The following AKAP6 variants were observed in gnomAD, a reference collection of about 807,000 sequenced individuals.
AKAP6 encodes A-kinase anchor protein 6.
Under a neutral mutation model 188.5 loss-of-function variants are expected in AKAP6, and 58 were observed. That is an observed-to-expected ratio of 0.31 (90% CI 0.25 to 0.38). The LOEUF (loss-of-function observed/expected upper bound fraction) is 0.38. AKAP6 is among the 10% of genes least tolerant of loss of function. AKAP6 has a pLI of 1.00. For missense variants in AKAP6, 2,710 were observed against 2,740.0 expected (o/e 0.99, Z 0.24); for synonymous variants, 989 against 998.6 (o/e 0.99, Z 0.18).
Position 32,437,155 on chromosome 14 carries a change from GCT to G in AKAP6, c.324+3343_324+3344del, listed in dbSNP as rs1241865886. On this transcript the variant is annotated intron_variant, in intron 2 of 13. Coordinates refer to ENST00000280979, the MANE Select transcript of AKAP6 (RefSeq NM_004274.5). The stretch of plus-strand genomic sequence containing the variant: ...CTTTTCCTGTTCCTTCTGCGGAGAA[GCT>G]CTCTTTCCCCATTGTTACATGGCAG... 3.9e-5 allele frequency among the ~76,000 whole-genome samples: 6 copies of G among 152,234 alleles called. No individual in the cohort carries two copies. The East Asian group carries it at 1.2e-3, about 29-fold the overall frequency.
At chr14:32,643,135 C>T (rs565130815) in intron 7 of AKAP6, among the ~76,000 whole-genome samples, 1 of 152,154 alleles carries the variant, frequency 6.6e-6, no homozygotes, top group South Asian at 2.1e-4. Flanking sequence ...CTCTATTAAT[C>T]ATTGTGTTGT....
chr14:32,442,800 C>G (rs1369276726), intron 2 of AKAP6, among the ~76,000 whole-genome samples: 1 of 151,928 alleles, frequency 6.6e-6, no homozygotes, highest in Non-Finnish European at 1.5e-5. Flanking sequence ...AGATGAAGTC[C>G]TGGGGTCCCT....
intron 1 of AKAP6, among the ~76,000 whole-genome samples, chr14:32,334,801 G>A (rs1886638290): frequency 6.6e-6 from 1 of 152,166 alleles, no homozygotes; most frequent in African/African-American, 2.4e-5. Flanking sequence ...TGAAGATAAA[G>A]GACAGACTTT....
intron 2 of AKAP6, among the ~76,000 whole-genome samples, chr14:32,534,698 G>A (rs1189344834): frequency 2.0e-5 from 3 of 152,070 alleles, no homozygotes; most frequent in Admixed American, 1.3e-4. Flanking sequence ...GGGTGCGGTG[G>A]CTCAGGCCTG....
chr14:32,470,787 A>G (rs545876894), intron 2 of AKAP6, among the ~76,000 whole-genome samples: 2 of 152,180 alleles, frequency 1.3e-5, no homozygotes, highest in African/African-American at 4.8e-5. Flanking sequence ...GATTTTTCTT[A>G]AGTCTAAATT....
At chr14:32,491,391 A>G (rs772454539) in intron 2 of AKAP6, among the ~76,000 whole-genome samples, 3 of 152,230 alleles carry the variant, frequency 2.0e-5, no homozygotes, top group African/African-American at 7.2e-5. Context: ...TCATTCCTCT[A>G]TCAAAACAAG....
intron 12 of AKAP6, among the ~76,000 whole-genome samples, chr14:32,805,567 A>G (rs1002970298): frequency 3.3e-5 from 5 of 152,226 alleles, no homozygotes; most frequent in Non-Finnish European, 7.3e-5. Flanking sequence ...GCATTGGTCT[A>G]GAAATAATGG....
intron 3 of AKAP6, among the ~76,000 whole-genome samples, chr14:32,540,192 A>ATATATATATATATATATATTTTTT (rs1406480125): frequency 3.2e-5 from 4 of 123,422 alleles, no homozygotes; most frequent in Admixed American, 8.2e-5. Flanking sequence ...ATATATATAT[A>ATATATATATATATATATATTTTTT]TTTTAATTTT....
intron 2 of AKAP6, among the ~76,000 whole-genome samples, chr14:32,512,277 C>T (rs961223788): frequency 6.6e-6 from 1 of 152,106 alleles, no homozygotes; most frequent in African/African-American, 2.4e-5. Flanking sequence ...AAACTCCACT[C>T]GTTGTTTGAT....
intron 9 of AKAP6, chr14:32,726,160 C>A (rs935595304): frequency 1.0e-6 from 1 of 982,398 alleles, no homozygotes; most frequent in Admixed American, 6.1e-5. Context: ...ATAGACTTTT[C>A]ATTACATTTT....
chr14:32,531,847 T>A (rs867352497), intron 2 of AKAP6, among the ~76,000 whole-genome samples: 2 of 152,242 alleles, frequency 1.3e-5, no homozygotes, highest in African/African-American at 4.8e-5. Flanking sequence ...TGCTGCATAG[T>A]GTATAGGCAT....
chr14:32,782,875 AT>A (rs553004848), intron 12 of AKAP6, among the ~76,000 whole-genome samples: 2,998 of 149,148 alleles, frequency 0.02, 102 homozygotes, highest in African/African-American at 0.068. Context: ...AATCTCTGTG[AT>A]TTTTTTTTTT....
At position 32,829,147 on chromosome 14, in the gene AKAP6, A is replaced by G. The variant is rs542867559; in HGVS notation, c.*43-701A>G. Among the ~76,000 whole-genome samples, 3 of 152,326 alleles carry G rather than the reference A, an allele frequency of 2.0e-5. No homozygotes were observed. The East Asian group carries it at 5.8e-4, about 29-fold the overall frequency. ...TTTGACCAGTTGCTTTTAGCCATTTAGAAACAGGCAGAATGGATCAAGTTT... is the reference window on the plus strand; with the variant it reads ...TTTGACCAGTTGCTTTTAGCCATTTGGAAACAGGCAGAATGGATCAAGTTT... On this transcript the variant is annotated intron_variant, in intron 13 of 13. Transcript: ENST00000280979.
intron 2 of AKAP6, among the ~76,000 whole-genome samples, chr14:32,487,967 G>A (rs1879794827): frequency 1.3e-5 from 2 of 152,210 alleles, no homozygotes; most frequent in South Asian, 4.1e-4. Context: ...CCTGTATGAG[G>A]TGTCTCTCGA....
chr14:32,649,382 TA>T (rs1888115430), intron 7 of AKAP6, among the ~76,000 whole-genome samples: 1 of 152,186 alleles, frequency 6.6e-6, no homozygotes, highest in Admixed American at 6.5e-5. Context: ...TTAGACTGTT[TA>T]ACCTATTCTC....
At chr14:32,534,568 G>A (rs952376814) in intron 2 of AKAP6, among the ~76,000 whole-genome samples, 7 of 152,172 alleles carry the variant, frequency 4.6e-5, no homozygotes, top group African/African-American at 1.2e-4. Flanking sequence ...TGCATGAAAC[G>A]AAACAAAATT....
At chr14:32,404,712 T>TATATATATATATATATATATATATA (rs1491351629) in intron 1 of AKAP6, among the ~76,000 whole-genome samples, 247 of 10,468 alleles carry the variant, frequency 0.024, 17 homozygotes, top group Non-Finnish European at 0.053. Context: ...ATATATATAT[T>TATATATATATATATATATATATATA]AGTCAGAATG....
chr14:32,349,769 A>T (rs966700996), intron 1 of AKAP6, among the ~76,000 whole-genome samples: 4 of 152,182 alleles, frequency 2.6e-5, no homozygotes, highest in African/African-American at 7.2e-5. Context: ...CCATTCATCA[A>T]TAAAAGGAAT....
intron 2 of AKAP6, among the ~76,000 whole-genome samples, chr14:32,518,934 G>A (rs1346360576): frequency 2.6e-5 from 4 of 152,180 alleles, no homozygotes; most frequent in Admixed American, 6.5e-5. Flanking sequence ...CATGTTAAGG[G>A]CAGCCAGAGA....
Sources: gnomAD v4.1 joint callset for allele counts (sites outside exome capture counted in the v4.1 genomes callset) on GRCh38, gnomAD v4.1.1 for gene constraint, MANE v1.5 for transcripts, NCBI Gene and HGNC (gene_info 2026-07-23, HGNC 2026-07-21) for gene names.